PIK3C2G: variants seen among roughly 807,000 people sequenced by gnomAD.
PIK3C2G encodes phosphatidylinositol-4-phosphate 3-kinase catalytic subunit type 2 gamma, also known as phosphatidylinositol 3-kinase C2 domain-containing subunit gamma.
In PIK3C2G, 168 loss-of-function variants were observed where a neutral mutation model predicts 181.1. That is an observed-to-expected ratio of 0.93 (90% CI 0.82 to 1.05). The LOEUF (loss-of-function observed/expected upper bound fraction) is 1.05. Among genes scored for constraint, PIK3C2G ranks in the 50% least tolerant of loss-of-function variants. PIK3C2G has a pLI of 0.00. For missense variants in PIK3C2G, 1,869 were observed against 1,732.8 expected (o/e 1.08, Z -1.40); for synonymous variants, 573 against 592.2 (o/e 0.97, Z 0.47).
At chr12:18,712,802 C>A in the PIK3C2G span, 1 of 1,601,586 alleles carries the variant, frequency 6.2e-7, no homozygotes, top group East Asian at 2.2e-5. Context: ...AGAATTGCTT[C>A]TGTTTAAATA....
At chr12:18,631,267 T>C (rs1949339521) in intron 31 of PIK3C2G, among the ~76,000 whole-genome samples, 1 of 152,188 alleles carries the variant, frequency 6.6e-6, no homozygotes, top group Non-Finnish European at 1.5e-5. Flanking sequence ...GTCTGTGTTT[T>C]AAGCTGTTAA....
intron 1 of PIK3C2G, among the ~76,000 whole-genome samples, chr12:18,274,449 T>C (rs1181807304): frequency 6.6e-6 from 1 of 152,160 alleles, no homozygotes; most frequent in African/African-American, 2.4e-5. Context: ...GTGGCACATA[T>C]ACACCATGGA....
chr12:18,592,314 C>CA (rs1212827538), intron 29 of PIK3C2G, among the ~76,000 whole-genome samples: 1 of 151,584 alleles, frequency 6.6e-6, no homozygotes, highest in African/African-American at 2.4e-5. Flanking sequence ...AAGGAGTCCA[C>CA]AAAAAAGTCT....
chr12:18,306,687 C>G (rs1950434325), intron 5 of PIK3C2G, among the ~76,000 whole-genome samples: 1 of 152,006 alleles, frequency 6.6e-6, no homozygotes, highest in Admixed American at 6.6e-5. Context: ...GAAAAATACT[C>G]TGAACAGTAC....
chr12:18,499,782 G>T (rs1479607277), intron 22 of PIK3C2G, among the ~76,000 whole-genome samples: 1 of 152,106 alleles, frequency 6.6e-6, no homozygotes, highest in African/African-American at 2.4e-5. Flanking sequence ...CACCACCTTG[G>T]GTAATTTTAT....
At chr12:18,571,964 T>C (rs1945966948) in intron 29 of PIK3C2G, among the ~76,000 whole-genome samples, 1 of 150,600 alleles carries the variant, frequency 6.6e-6, no homozygotes, top group African/African-American at 2.5e-5. Flanking sequence ...TATTTATTTT[T>C]CCATTTTGTC....
In PIK3C2G at chr12:18,300,263, A is replaced by G. The variant is rs118170251; in HGVS notation, c.1034+6248A>G. 1.8e-3 allele frequency among the ~76,000 whole-genome samples: 266 copies of G among 151,956 alleles called. 11 individuals carry two copies. In the East Asian group the frequency reaches 0.046, roughly 27 times the overall value. ...TCTGTTACAGCCTGAATCAATCTTG[A>G]TAAGTTGTATGTGTTTATTGGATAC... On this transcript the variant is annotated intron_variant, in intron 5 of 32. Transcript: ENST00000538779.
At chr12:18,370,266 C>T (rs1031491532) in intron 12 of PIK3C2G, among the ~76,000 whole-genome samples, 1 of 152,152 alleles carries the variant, frequency 6.6e-6, no homozygotes, top group Non-Finnish European at 1.5e-5. Context: ...GTATTTATGA[C>T]CTTCTGGACA....
chr12:18,420,616 TAAG>T (rs761153081), intron 16 of PIK3C2G, among the ~76,000 whole-genome samples: 4 of 152,120 alleles, frequency 2.6e-5, no homozygotes, highest in Non-Finnish European at 5.9e-5. Context: ...CTTGGCTAAA[TAAG>T]AAGCAAAGAT....
chr12:18,245,644 G>A (rs1948032221), upstream of PIK3C2G, among the ~76,000 whole-genome samples: 1 of 151,898 alleles, frequency 6.6e-6, no homozygotes, highest in Non-Finnish European at 1.5e-5. Flanking sequence ...CAATTTTTAA[G>A]GTTGCTAGTC....
chr12:18,568,055 G>A (rs1017510159), intron 29 of PIK3C2G, among the ~76,000 whole-genome samples: 2 of 152,092 alleles, frequency 1.3e-5, no homozygotes, highest in Non-Finnish European at 2.9e-5. Flanking sequence ...TCTCAGAAGG[G>A]CTCTTGTGAT....
At chr12:18,567,788 C>T (rs943568468) in intron 29 of PIK3C2G, among the ~76,000 whole-genome samples, 1 of 152,096 alleles carries the variant, frequency 6.6e-6, no homozygotes, top group Non-Finnish European at 1.5e-5. Context: ...GCTGCTGTGA[C>T]AAGTTACCAC....
chr12:18,624,411 T>C (rs2094307020), intron 31 of PIK3C2G, among the ~76,000 whole-genome samples: 1 of 151,814 alleles, frequency 6.6e-6, no homozygotes, highest in Admixed American at 6.6e-5. Context: ...ATCCTTTTAA[T>C]GTGTTATTGA....
At chr12:18,314,425 T>C (rs1333360232) in intron 6 of PIK3C2G, 1 of 165,180 alleles carries the variant, frequency 6.1e-6, no homozygotes, top group Non-Finnish European at 1.3e-5. Context: ...AGGTGGTAAG[T>C]GCCCTTATAA....
At chr12:18,410,848 T>A (rs1285723200) in intron 16 of PIK3C2G, among the ~76,000 whole-genome samples, 1 of 152,200 alleles carries the variant, frequency 6.6e-6, no homozygotes, top group Non-Finnish European at 1.5e-5. Context: ...ACTGGCTTTA[T>A]GACAGTGACT....
At chr12:18,548,697 T>C (rs1290763698) in intron 26 of PIK3C2G, among the ~76,000 whole-genome samples, 1 of 152,024 alleles carries the variant, frequency 6.6e-6, no homozygotes, top group Non-Finnish European at 1.5e-5. Flanking sequence ...TGTTATGTGG[T>C]ATGTTCTGTT....
At chr12:18,541,979 G>C (rs1244914264) in intron 25 of PIK3C2G, among the ~76,000 whole-genome samples, 1 of 151,820 alleles carries the variant, frequency 6.6e-6, no homozygotes, top group Non-Finnish European at 1.5e-5. Flanking sequence ...AGGTTCATCT[G>C]GTATGAAGCA....
At chr12:18,378,088 A>G (rs1376837416) in intron 13 of PIK3C2G, among the ~76,000 whole-genome samples, 1 of 152,196 alleles carries the variant, frequency 6.6e-6, no homozygotes, top group Non-Finnish European at 1.5e-5. Flanking sequence ...TCAGGGTTAA[A>G]GCCATGGTGA....
At chr12:18,629,020 CAA>C (rs1435191791) in intron 31 of PIK3C2G, among the ~76,000 whole-genome samples, 1 of 152,118 alleles carries the variant, frequency 6.6e-6, no homozygotes, top group Non-Finnish European at 1.5e-5. Context: ...ATTGTGGTAA[CAA>C]GAGCATTTAC....
Sources: gnomAD v4.1 joint callset for allele counts (sites outside exome capture counted in the v4.1 genomes callset) on GRCh38, gnomAD v4.1.1 for gene constraint, MANE v1.5 for transcripts, NCBI Gene and HGNC (gene_info 2026-07-23, HGNC 2026-07-21) for gene names.